The following PCM1 variants were observed in gnomAD, a reference collection of about 807,000 sequenced individuals.
PCM1 encodes the protein pericentriolar material 1, also known as pericentriolar material 1 protein.
Under a neutral mutation model 241.9 loss-of-function variants are expected in PCM1, and 157 were observed. The ratio of observed to expected loss-of-function variants is 0.65; its 90% CI spans 0.57 to 0.74. The LOEUF is 0.74. Among genes scored for constraint, PCM1 ranks in the 30% least tolerant of loss-of-function variants. The pLI, the probability that PCM1 is intolerant of heterozygous loss-of-function variation, is 0.00. For missense variants in PCM1, 3,478 were observed against 2,360.1 expected, an observed-to-expected ratio of 1.47 and a Z score of -9.81; for synonymous variants, 1,085 against 784.9, an observed-to-expected ratio of 1.38 and a Z score of -6.39.
intron 34 of PCM1, chr8:18,013,727 G>A (rs527394692): frequency 9.4e-5 from 39 of 416,206 alleles, no homozygotes; most frequent in African/African-American, 5.2e-4. Context: ...AGTGCAGTCT[G>A]TTCGTTCCAG....
chr8:17,969,415 C>G, intron 21 of PCM1, 162 bp from the exon 22 acceptor site: 1 of 583,750 alleles, frequency 1.7e-6, no homozygotes, highest in East Asian at 3.0e-5. Context: ...GTGGCCTAAG[C>G]TGTGAACAGT....
chr8:18,000,700 C>T (rs1277604936), intron 29 of PCM1, among the ~76,000 whole-genome samples: 1 of 152,132 alleles, frequency 6.6e-6, no homozygotes, highest in Non-Finnish European at 1.5e-5. Flanking sequence ...CGGCTCACTG[C>T]AACCCTTGCC....
At position 17,969,590 on chromosome 8, in the gene PCM1, C is replaced by T. The variant is rs892802672; in HGVS notation, c.3426C>T (p.Ser1142=). The change falls in exon 22 of 39, where the codon AGC becomes AGT. Residue 1142 remains serine (S), a synonymous_variant. Transcript: ENST00000325083. ...TTTACTGATTAGGTATGAATTTCAGCCCTTTATTTCCTTCTAATTTTGGAG... is the reference window on the plus strand; with the variant it reads ...TTTACTGATTAGGTATGAATTTCAGTCCTTTATTTCCTTCTAATTTTGGAG... ...FSSFAPGMNF[S]PLFPSNFGDF... 6.2e-7 allele frequency: 1 copy of T among 1,603,312 alleles called. No individual in the cohort carries two copies. Among genetic ancestry groups the T allele is most frequent in the Non-Finnish European group, 8.5e-7 (1 of 1,174,708 alleles).
intron 2 of PCM1, among the ~76,000 whole-genome samples, chr8:17,929,252 T>C (rs2058195753): frequency 6.6e-6 from 1 of 152,194 alleles, no homozygotes; most frequent in Non-Finnish European, 1.5e-5. Context: ...TTGATACACT[T>C]TTCCCCTTTT....
At position 17,993,571 on chromosome 8, in the gene PCM1, G is replaced by A. The variant is rs751465127; in HGVS notation, c.4779G>A (p.Leu1593=). 6.3e-7 allele frequency: 1 copy of A among 1,596,860 alleles called. No individual in the cohort carries two copies. Among genetic ancestry groups the A allele is most frequent in the Admixed American group, 1.7e-5 (1 of 57,908 alleles). ...IPCPRIDTQQ[L]DRQIKAIMKE... is the part of the protein sequence containing the mutation. ...GTCCTAGAATTGATACTCAGCAGCT[G>A]GACCGGCAAATTAAAGCAATTATGA... Residue 1593 remains leucine, a synonymous_variant, in exon 29 of 39, where the codon CTG becomes CTA. Coordinates refer to ENST00000325083, the MANE Select transcript of PCM1 (RefSeq NM_006197.4).
intron 2 of PCM1, chr8:17,927,855 G>A (rs889355854): frequency 9.3e-6 from 1 of 107,036 alleles, no homozygotes; most frequent in Admixed American, 9.8e-5. Context: ...AGCCTAACAG[G>A]ATTTTCTTAA....
chr8:17,934,602 G>C (rs1195182332), intron 2 of PCM1: 1 of 151,412 alleles, frequency 6.6e-6, no homozygotes, highest in Non-Finnish European at 1.5e-5. Context: ...GAATGACCTT[G>C]GCCAAACTGT....
intron 34 of PCM1, among the ~76,000 whole-genome samples, chr8:18,012,287 C>G (rs2092629146): frequency 6.6e-6 from 1 of 152,204 alleles, no homozygotes; most frequent in African/African-American, 2.4e-5. Context: ...TATACACTAC[C>G]TGCTTGTTAA....
chr8:18,011,341 A>C lies in PCM1; in HGVS notation c.5325A>C (p.Glu1775Asp), dbSNP rs2092468885. The C allele has an allele frequency of 6.2e-7, 1 of 1,601,746 alleles. No individual in the cohort carries two copies. Residue 1775 changes from glutamate (E) to aspartate (D), a missense_variant, in exon 33 of 39, where the codon GAA (glutamate) becomes GAC (aspartate). By Grantham distance (45) the Glu-to-Asp change is conservative. Transcript: ENST00000325083. ...SDISDQEEDE[E>D]SEGCPVSINL... is the part of the protein sequence containing the mutation. Reference sequence around the variant, plus strand: ...TTTCTGATCAAGAGGAAGATGAAGAAAGTGAAGGATGTCCAGTGTCTATTA... The same window carrying C: ...TTTCTGATCAAGAGGAAGATGAAGACAGTGAAGGATGTCCAGTGTCTATTA...
chr8:17,993,420 A>G, intron 28 of PCM1, 63 bp from the exon 29 acceptor site: 1 of 1,071,530 alleles, frequency 9.3e-7, no homozygotes. Flanking sequence ...ATTTCAACAT[A>G]AAGGCATATA....
intron 6 of PCM1, among the ~76,000 whole-genome samples, chr8:17,946,791 C>G (rs2063931217): frequency 6.6e-6 from 1 of 151,472 alleles, no homozygotes; most frequent in Non-Finnish European, 1.5e-5. Flanking sequence ...GTCATTAACC[C>G]AGTATAATGT....
rs753458185 is a variant in PCM1, at chr8:17,991,615, A to C, written c.4605A>C (p.Glu1535Asp). The change falls in exon 28 of 39, where the codon GAA (glutamate) becomes GAC (aspartate). Residue 1535 changes from glutamate (E) to aspartate (D), a missense_variant. Physicochemically the swap from Glu to Asp is conservative, Grantham distance 45. Transcript: ENST00000325083. ...ATGAGCGTATGAAGACTGAGGCTGA[A>C]AGTAACTCAAATATGAGATGCACCT... The part of the protein sequence containing the change: ...REYERMKTEA[E>D]SNSNMRCTCR... 12 of 1,585,840 alleles carry C rather than the reference A, an allele frequency of 7.6e-6. No individual in the cohort carries two copies. The South Asian group carries it at 1.2e-4, about 15-fold the overall frequency.
At chr8:17,985,826 C>T in intron 25 of PCM1, 133 bp from the exon 26 acceptor site, 2 of 734,632 alleles carry the variant, frequency 2.7e-6, no homozygotes, top group Non-Finnish European at 4.3e-6. Flanking sequence ...TTGTCTACTT[C>T]CTCACACTTA....
rs145535118 is a variant in PCM1, at chr8:17,968,437, A to C, written c.3413-1140A>C. On this transcript the variant is annotated intron_variant, in intron 21 of 38. Transcript: ENST00000325083. Reference sequence around the variant, plus strand: ...TAGCTGGTGAACAGAAGGCTGTCATAATAATATGGAAAGAATGATAGCTTG... The same window carrying C: ...TAGCTGGTGAACAGAAGGCTGTCATCATAATATGGAAAGAATGATAGCTTG... Among the ~76,000 whole-genome samples the C allele has an allele frequency of 4.6e-5, 7 of 152,318 alleles. No homozygotes were observed. The East Asian group carries it at 9.6e-4, about 21-fold the overall frequency.
intron 27 of PCM1, among the ~76,000 whole-genome samples, chr8:17,990,301 CG>C (rs2084108359): frequency 6.6e-6 from 1 of 151,916 alleles, no homozygotes; most frequent in Non-Finnish European, 1.5e-5. Context: ...GAAAGGTCAT[CG>C]TTTAAGGTCA....
rs916773047 is a variant in PCM1, at chr8:18,023,369, C to T, written c.5842-1992C>T. On this transcript the variant is annotated intron_variant, in intron 36 of 38. Transcript: ENST00000325083. ...TCTAGATTTTGTTCTTTGGTAAGAT[C>T]GCTTTTTCTTTAGCTGGCAGTCTCT... is the stretch of plus-strand genomic sequence containing the variant. Among the ~76,000 whole-genome samples the T allele has an allele frequency of 5.9e-5, 9 of 152,146 alleles. No homozygotes were observed. In the Middle Eastern group the frequency reaches 0.01, roughly 173 times the overall value.
Position 18,018,442 on chromosome 8 carries a change from A to C in PCM1, c.5841+3602A>C, listed in dbSNP as rs564954402. On this transcript the variant is annotated intron_variant, in intron 36 of 38. Coordinates refer to ENST00000325083, the MANE Select transcript of PCM1 (RefSeq NM_006197.4). ...TGCCTAAATTGCCCTCATGCCCCCT[A>C]GGGTCAGAGGCAATCCAAGGGCTTT... Among the ~76,000 whole-genome samples the C allele has an allele frequency of 6.6e-5, 10 of 152,344 alleles. No homozygotes were observed. In the South Asian group the frequency reaches 2.1e-3, roughly 32 times the overall value.
chr8:17,971,956 G>A (rs2077002264), intron 22 of PCM1, among the ~76,000 whole-genome samples: 1 of 151,888 alleles, frequency 6.6e-6, no homozygotes. Context: ...ACTTGTCTGG[G>A]CTGGTCTTGA....
At position 17,957,190 on chromosome 8, in the gene PCM1, G is replaced by A. The variant is rs1227729493; in HGVS notation, c.1647-74G>A. 7 of 1,160,076 alleles carry A rather than the reference G, an allele frequency of 6.0e-6. No homozygotes were observed. The Admixed American group carries it at 1.7e-4, about 29-fold the overall frequency. 71.9% of individuals were successfully genotyped at this position (1,160,076 alleles called of 1,614,324 possible). A position where few individuals can be genotyped will look rare whatever the true frequency, so the allele number is the denominator to read the frequency against. ...TGCTTGGTTTGGTGTTATTTTATTA[G>A]CAGTTCTAAACTTGGATTTCTTTCT... On this transcript the variant is annotated intron_variant, in intron 11 of 38. Coordinates refer to ENST00000325083, the MANE Select transcript of PCM1 (RefSeq NM_006197.4).
Sources: gnomAD v4.1 joint callset for allele counts (sites outside exome capture counted in the v4.1 genomes callset) on GRCh38, gnomAD v4.1.1 for gene constraint, MANE v1.5 for transcripts, NCBI Gene and HGNC (gene_info 2026-07-23, HGNC 2026-07-21) for gene names.